The following WIPF3 variants were observed in gnomAD, a reference collection of about 807,000 sequenced individuals.
WIPF3 encodes WAS/WASL interacting protein family member 3.
WIPF3 carries 33 observed loss-of-function variants against 38.9 expected under a neutral mutation model. The observed-to-expected ratio is 0.85, with a 90% CI of 0.64 to 1.14. The LOEUF (loss-of-function observed/expected upper bound fraction) is 1.14, where lower values mean the gene tolerates loss of function less well. Among genes scored for constraint, WIPF3 ranks in the 50% most tolerant of loss-of-function variants. The pLI is 0.00. For missense variants in WIPF3, 711 were observed against 652.5 expected, an observed-to-expected ratio of 1.09 and a Z score of -0.98; for synonymous variants, 324 against 269.3, an observed-to-expected ratio of 1.20 and a Z score of -1.99.
At position 29,818,559 on chromosome 7, in the gene WIPF3, A is replaced by G. The variant is rs150346549; in HGVS notation, c.-58+11881A>G. 7.0e-3 allele frequency among the ~76,000 whole-genome samples: 1,037 copies of G among 148,840 alleles called. 4 individuals are homozygous for G. The highest frequency in any genetic ancestry group is 0.018 in the Middle Eastern group (5 of 280). On this transcript the variant is annotated intron_variant, in intron 1 of 8. Coordinates refer to ENST00000242140, the MANE Select transcript of WIPF3 (RefSeq NM_001080529.3). ...AATATTATATATAATATGTATACTT[A>G]TTTAATTTAATTATATAAAATTAAG...
intron 2 of WIPF3, among the ~76,000 whole-genome samples, chr7:29,869,327 C>T (rs1041627404): frequency 1.3e-5 from 2 of 152,232 alleles, no homozygotes; most frequent in Admixed American, 1.3e-4. Flanking sequence ...TGCGCCCCAC[C>T]TGTATCCCCA....
chr7:29,900,941 C>A (rs1786263126), intron 7 of WIPF3, among the ~76,000 whole-genome samples: 1 of 152,162 alleles, frequency 6.6e-6, no homozygotes, highest in African/African-American at 2.4e-5. Context: ...TGCTTCAAAG[C>A]CCCCTCCCTG....
Position 29,834,834 on chromosome 7 carries a change from T to C in WIPF3, c.90+20T>C. 1.3e-6 allele frequency: 2 copies of C among 1,513,254 alleles called. No homozygotes were observed. Among genetic ancestry groups the C allele is most frequent in the Non-Finnish European group, 1.8e-6 (2 of 1,124,444 alleles). The allele number at this position is 1,513,254 out of a possible 1,614,324, so 93.7% of individuals were successfully genotyped here. A position where few individuals can be genotyped will look rare whatever the true frequency, so the allele number is the denominator to read the frequency against. On this transcript the variant is annotated intron_variant, in intron 2 of 8. Coordinates refer to ENST00000242140, the MANE Select transcript of WIPF3 (RefSeq NM_001080529.3). ...CCCCCGGTAAGACCTTTTTTTCTGA[T>C]TGGTTTACTGTGGAGCATAAACTGC...
rs564096423 is a variant in WIPF3 at position 29,828,975 on chromosome 7, C to T, written c.-57-5693C>T. ...TCCGTCATGGCAGCCTTTTCCTCTT[C>T]TCCCCCACACATGCAGAGCCTCCCA... On this transcript the variant is annotated intron_variant, in intron 1 of 8. Transcript: ENST00000242140. 4.6e-5 allele frequency among the ~76,000 whole-genome samples: 7 copies of T among 152,326 alleles called. No individual in the cohort carries two copies. In the East Asian group the frequency reaches 1.4e-3, roughly 29 times the overall value.
chr7:29,817,893 C>T (rs1784480818), intron 1 of WIPF3, among the ~76,000 whole-genome samples: 1 of 152,066 alleles, frequency 6.6e-6, no homozygotes, highest in African/African-American at 2.4e-5. Context: ...GAAAAATCAA[C>T]TTTTGTATGA....
At chr7:29,877,911 G>A (rs562097480) in intron 3 of WIPF3, among the ~76,000 whole-genome samples, 3 of 152,108 alleles carry the variant, frequency 2.0e-5, no homozygotes, top group Admixed American at 2.0e-4. Flanking sequence ...TTTGGATAAG[G>A]GATACTCACC....
At position 29,885,242 on chromosome 7, in the gene WIPF3, C is replaced by T. The variant is rs182431592; in HGVS notation, c.1099+649C>T. On this transcript the variant is annotated intron_variant, in intron 5 of 8. Coordinates refer to ENST00000242140, the MANE Select transcript of WIPF3 (RefSeq NM_001080529.3). Reference sequence around the variant, plus strand: ...GTTATTTGAATTGAGCGTTCATGCCCCATGGCTGATTTCCTTGATCCCGCT... The same window carrying T: ...GTTATTTGAATTGAGCGTTCATGCCTCATGGCTGATTTCCTTGATCCCGCT... 9.8e-5 allele frequency among the ~76,000 whole-genome samples: 15 copies of T among 152,310 alleles called. No individual in the cohort carries two copies. In the East Asian group the frequency reaches 1.3e-3, roughly 14 times the overall value.
At chr7:29,830,685 CA>C (rs1452146865) in intron 1 of WIPF3, among the ~76,000 whole-genome samples, 4 of 151,516 alleles carry the variant, frequency 2.6e-5, no homozygotes, top group Admixed American at 2.6e-4. Flanking sequence ...GCTTTAAACT[CA>C]GCTCTGATGA....
At chr7:29,834,107 T>C (rs1426370495) in intron 1 of WIPF3, among the ~76,000 whole-genome samples, 1 of 151,984 alleles carries the variant, frequency 6.6e-6, no homozygotes, top group African/African-American at 2.4e-5. Context: ...GTAGAAATGA[T>C]GACACAGGAA....
At position 29,884,481 on chromosome 7, in the gene WIPF3, AT is replaced by A; in HGVS notation, c.988del (p.Ser330ProfsTer44). 1 of 1,542,850 alleles carries A rather than the reference AT, an allele frequency of 6.5e-7. No individual in the cohort carries two copies. The highest frequency in any genetic ancestry group is 8.7e-7 in the Non-Finnish European group (1 of 1,143,854). On this transcript the variant is annotated frameshift_variant, in exon 5 of 9. Coordinates refer to ENST00000242140, the MANE Select transcript of WIPF3 (RefSeq NM_001080529.3). LOFTEE classifies it high-confidence loss of function. ...SETPPPLPPK[S>X]PSFQAPPQKA... ...AAACTCCACCCCCGCTACCCCCTAA[AT>A]CCCCCAGCTTCCAGGCCCCACCGCA... is the stretch of plus-strand genomic sequence containing the variant.
At chr7:29,873,664 T>C (rs1455425534) in intron 2 of WIPF3, among the ~76,000 whole-genome samples, 1 of 152,206 alleles carries the variant, frequency 6.6e-6, no homozygotes, top group Non-Finnish European at 1.5e-5. Context: ...ATATCTCCAG[T>C]GAATCAGGAT....
At chr7:29,896,847 G>A (rs1472126111) in intron 7 of WIPF3, among the ~76,000 whole-genome samples, 2 of 152,162 alleles carry the variant, frequency 1.3e-5, no homozygotes, top group Non-Finnish European at 2.9e-5. Flanking sequence ...TATAAAGAAT[G>A]ACATCATCTT....
chr7:29,899,785 T>A (rs983707426), intron 7 of WIPF3, among the ~76,000 whole-genome samples: 1 of 150,530 alleles, frequency 6.6e-6, no homozygotes, highest in African/African-American at 2.5e-5. Flanking sequence ...TACCAAAAAA[T>A]GTATACAAAA....
intron 2 of WIPF3, among the ~76,000 whole-genome samples, chr7:29,867,311 A>G (rs1444199158): frequency 1.3e-5 from 2 of 152,214 alleles, no homozygotes; most frequent in Non-Finnish European, 2.9e-5. Flanking sequence ...TCGAGCCTGG[A>G]TGAATGGGGA....
intron 5 of WIPF3, among the ~76,000 whole-genome samples, chr7:29,885,024 C>T (rs1045256211): frequency 6.6e-6 from 1 of 152,170 alleles, no homozygotes. Flanking sequence ...TGGCTTGTTT[C>T]CAGAACCAGG....
chr7:29,822,713 C>G (rs189047602), intron 1 of WIPF3, among the ~76,000 whole-genome samples: 31 of 152,310 alleles, frequency 2.0e-4, no homozygotes, highest in African/African-American at 7.0e-4. Flanking sequence ...TCATCCTGAG[C>G]AATGAACCGT....
chr7:29,857,885 C>T (rs536261650), intron 2 of WIPF3, among the ~76,000 whole-genome samples: 49 of 152,306 alleles, frequency 3.2e-4, no homozygotes, highest in Non-Finnish European at 6.0e-4. Flanking sequence ...CTGTGCACAT[C>T]AAGACTTACA....
At chr7:29,813,119 C>A (rs564509234) in intron 1 of WIPF3, among the ~76,000 whole-genome samples, 2 of 152,334 alleles carry the variant, frequency 1.3e-5, no homozygotes, top group South Asian at 4.1e-4. Context: ...CAAGGGGTCA[C>A]CCCAGGCTCT....
At chr7:29,883,095 C>T (rs948981080) in intron 4 of WIPF3, among the ~76,000 whole-genome samples, 1 of 152,176 alleles carries the variant, frequency 6.6e-6, no homozygotes, top group Non-Finnish European at 1.5e-5. Flanking sequence ...GAAAACCAAA[C>T]GCAAATGCTT....
Sources: allele counts gnomAD v4.1 joint callset (sites outside exome capture counted in the v4.1 genomes callset), GRCh38; gene constraint gnomAD v4.1.1; transcripts MANE v1.5; gene names NCBI Gene and HGNC (gene_info 2026-07-23, HGNC 2026-07-21).